The following RBM33 variants were observed in gnomAD, a reference collection of about 807,000 sequenced individuals.
RBM33 encodes the protein RNA binding motif protein 33.
Under a neutral mutation model 132.6 loss-of-function variants are expected in RBM33, and 28 were observed. That is an observed-to-expected ratio of 0.21 (90% CI 0.16 to 0.29). RBM33 has a LOEUF of 0.29. Ranked by LOEUF, RBM33 falls within the 10% of genes least tolerant of loss-of-function variation. The probability of loss-of-function intolerance (pLI) is 1.00; values close to 1 mark genes in which losing one functional copy is unlikely to be tolerated. For synonymous variants in RBM33, 634 were observed against 593.0 expected (o/e 1.07, Z -1.01); for missense variants, 1,291 against 1,518.5 (o/e 0.85, Z 2.49).
intron 5 of RBM33, among the ~76,000 whole-genome samples, chr7:155,700,411 T>C (rs1218361725): frequency 2.0e-5 from 3 of 152,156 alleles, no homozygotes; most frequent in African/African-American, 7.2e-5. Context: ...AATTAATACA[T>C]TGAATTTCAC....
rs557520133 is a variant in RBM33 at position 155,758,458 on chromosome 7, C to T, written c.2980-5354C>T. Reference sequence around the variant, plus strand: ...AGGAGCTGGCAACCTAGATCCCTCGCGTGGGCAGTTCACAGTAGGATTCAT... The same window carrying T: ...AGGAGCTGGCAACCTAGATCCCTCGTGTGGGCAGTTCACAGTAGGATTCAT... On this transcript the variant is annotated intron_variant, in intron 14 of 17. Coordinates refer to ENST00000401878, the MANE Select transcript of RBM33 (RefSeq NM_053043.3). Among the ~76,000 whole-genome samples, 6 of 152,258 alleles carry T rather than the reference C, an allele frequency of 3.9e-5. No individual in the cohort carries two copies. The East Asian group carries it at 7.7e-4, about 20-fold the overall frequency.
chr7:155,700,066 T>C (rs1799913848), intron 5 of RBM33, among the ~76,000 whole-genome samples: 1 of 152,232 alleles, frequency 6.6e-6, no homozygotes, highest in Admixed American at 6.5e-5. Context: ...AAGAAATTAC[T>C]TTTAATTTGG....
In RBM33 at chr7:155,739,848, A is replaced by G; in HGVS notation, c.1871A>G (p.Gln624Arg). The G allele has an allele frequency of 2.2e-6, 1 of 447,414 alleles. No homozygotes were observed. The highest frequency in any genetic ancestry group is 3.0e-6 in the Non-Finnish European group (1 of 336,786). 27.7% of individuals were successfully genotyped at this position (447,414 alleles called of 1,614,324 possible). A position where few individuals can be genotyped will look rare whatever the true frequency, so the allele number is the denominator to read the frequency against. ...QPPPQHQPPP[Q>R]HPPQHPPQHQ... ...CCGCCCCAGCACCAGCCCCCACCCC[A>G]GCACCCACCACAGCACCCGCCGCAG... is the stretch of plus-strand genomic sequence containing the variant. Residue 624 changes from glutamine to arginine, a missense_variant, in exon 12 of 18, where the codon CAG becomes CGG. Physicochemically the swap from Gln to Arg is conservative, Grantham distance 43. This residue lies in a region of RBM33 where 841 missense variants were observed against 912.0 expected (regional missense o/e 0.92). Coordinates refer to ENST00000401878, the MANE Select transcript of RBM33 (RefSeq NM_053043.3).
At chr7:155,742,721 C>G (rs35268718) in intron 13 of RBM33, among the ~76,000 whole-genome samples, 17,225 of 152,188 alleles carry the variant, frequency 0.11, 1,081 homozygotes, top group East Asian at 0.28. Flanking sequence ...TGCTGTTGTT[C>G]CTAATTTTTC....
intron 14 of RBM33, among the ~76,000 whole-genome samples, chr7:155,763,572 A>G (rs948477626): frequency 1.3e-5 from 2 of 152,214 alleles, no homozygotes; most frequent in Non-Finnish European, 2.9e-5. Flanking sequence ...CTCTTATATG[A>G]ATATAGTAAT....
At chr7:155,762,352 G>A (rs1260999098) in intron 14 of RBM33, among the ~76,000 whole-genome samples, 1 of 152,242 alleles carries the variant, frequency 6.6e-6, no homozygotes, top group African/African-American at 2.4e-5. Context: ...GCCTTACTGA[G>A]TTTCGGCTCT....
chr7:155,680,590 T>G lies in RBM33; in HGVS notation c.249T>G (p.Ser83Arg), dbSNP rs1022031529. ...QSDNEDEENF[S>R]SQGVTISLNA... ...TTTTTTTTATTTTCGTCCTCTCTAGTTCTCAGGGTGTTACAATTAGTCTGA... is the reference window on the plus strand; with the variant it reads ...TTTTTTTTATTTTCGTCCTCTCTAGGTCTCAGGGTGTTACAATTAGTCTGA... Residue 83 changes from serine to arginine, a missense_variant and splice_region_variant, in exon 5 of 18, where the codon AGT (serine) becomes AGG (arginine). Physicochemically the swap from Ser to Arg is moderately radical, Grantham distance 110 (BLOSUM62 -1). This residue lies in a region of RBM33 where 194 missense variants were observed against 249.8 expected (regional missense o/e 0.78). Coordinates refer to ENST00000401878, the MANE Select transcript of RBM33 (RefSeq NM_053043.3). The G allele has an allele frequency of 1.3e-6, 2 of 1,584,160 alleles. No homozygotes were observed. Among genetic ancestry groups the G allele is most frequent in the Non-Finnish European group, 1.7e-6 (2 of 1,167,586 alleles).
chr7:155,734,298 T>C (rs1296554708), intron 9 of RBM33, among the ~76,000 whole-genome samples: 10 of 152,302 alleles, frequency 6.6e-5, no homozygotes, highest in Middle Eastern at 6.8e-3. Context: ...ACCTCCTCCC[T>C]CTGTTGAATT....
intron 6 of RBM33, among the ~76,000 whole-genome samples, chr7:155,704,071 C>T (rs1015687719): frequency 4.6e-5 from 7 of 152,192 alleles, no homozygotes; most frequent in African/African-American, 1.7e-4. Flanking sequence ...GAAACGAGTT[C>T]TCTTCCAATC....
intron 9 of RBM33, among the ~76,000 whole-genome samples, chr7:155,721,513 A>G (rs556440032): frequency 6.6e-6 from 1 of 152,008 alleles, no homozygotes; most frequent in Non-Finnish European, 1.5e-5. Context: ...GCAGCTTCAT[A>G]CCCAATTGAC....
rs1244412875 is a variant in RBM33, at chr7:155,739,887, A to G, written c.1910A>G (p.His637Arg). The change falls in exon 12 of 18, where the codon CAC becomes CGC. Residue 637 changes from histidine to arginine, a missense_variant. His to Arg is a conservative substitution (Grantham distance 29). Transcript: ENST00000401878. ...PQHPPQHQHH[H>R]HHHHLSVPPP... ...CACCCGCCGCAGCACCAGCACCACC[A>G]CCACCACCACCACCTGTCCGTCCCG... 6.8e-7 allele frequency: 1 copy of G among 1,471,822 alleles called. No homozygotes were observed. The highest frequency in any genetic ancestry group is 1.6e-5 in the African/African-American group (1 of 63,440). The allele number at this position is 1,471,822 out of a possible 1,614,324, so 91.2% of individuals were successfully genotyped here.
At position 155,683,587 on chromosome 7, in the gene RBM33, A is replaced by G. The variant is rs959288031; in HGVS notation, c.567+2679A>G. 3.3e-5 allele frequency among the ~76,000 whole-genome samples: 5 copies of G among 152,316 alleles called. No individual in the cohort carries two copies. In the East Asian group the frequency reaches 7.7e-4, roughly 24 times the overall value. On this transcript the variant is annotated intron_variant, in intron 5 of 17. Coordinates refer to ENST00000401878, the MANE Select transcript of RBM33 (RefSeq NM_053043.3). ...AGGGTTTGCTGTTCCCTATGAAGAA[A>G]GCGAGGTCCAGAGACATCAATAAAG...
intron 5 of RBM33, among the ~76,000 whole-genome samples, chr7:155,691,020 G>T (rs904725502): frequency 1.3e-5 from 2 of 152,170 alleles, no homozygotes; most frequent in Non-Finnish European, 2.9e-5. Context: ...GGCCTGCCTT[G>T]CTAGATTGGG....
rs187702056 is a variant in RBM33 at position 155,771,398 on chromosome 7, G to A, written c.3376-3161G>A. ...AAACAGGGTTTATTTCTGAAAGAAGGTACAAAAATGTAAGGAGAGAGGGTA... is the reference window on the plus strand; with the variant it reads ...AAACAGGGTTTATTTCTGAAAGAAGATACAAAAATGTAAGGAGAGAGGGTA... On this transcript the variant is annotated intron_variant, in intron 16 of 17. Transcript: ENST00000401878. 1.4e-3 allele frequency among the ~76,000 whole-genome samples: 212 copies of A among 152,284 alleles called. 4 individuals are homozygous for A. Among genetic ancestry groups the A allele is most frequent in the African/African-American group, 4.9e-3 (202 of 41,556 alleles).
At chr7:155,673,513 CGT>C (rs1163667151) in intron 3 of RBM33, among the ~76,000 whole-genome samples, 1 of 132,158 alleles carries the variant, frequency 7.6e-6, no homozygotes. Context: ...TACATACACA[CGT>C]GTATATATAT....
At chr7:155,765,112 T>C (rs566904955) in intron 15 of RBM33, among the ~76,000 whole-genome samples, 13 of 152,318 alleles carry the variant, frequency 8.5e-5, no homozygotes, top group African/African-American at 2.9e-4. Context: ...ACACTTGAGT[T>C]TCTTCAACTT....
In RBM33 at chr7:155,665,544, A is replaced by G. The variant is rs114555135; in HGVS notation, c.122+291A>G. 5.6e-3 allele frequency among the ~76,000 whole-genome samples: 848 copies of G among 152,356 alleles called. 12 individuals carry two copies. Among genetic ancestry groups the G allele is most frequent in the African/African-American group, 0.019 (802 of 41,584 alleles). Reference sequence around the variant, plus strand: ...GACTTTGTGGACACCCAGAACCATTACTGGAGTGGCCTTGTGCCAGAGTTC... The same window carrying G: ...GACTTTGTGGACACCCAGAACCATTGCTGGAGTGGCCTTGTGCCAGAGTTC... On this transcript the variant is annotated intron_variant, in intron 2 of 17. Coordinates refer to ENST00000401878, the MANE Select transcript of RBM33 (RefSeq NM_053043.3).
Position 155,738,137 on chromosome 7 carries a change from C to T in RBM33, c.1471C>T (p.Leu491Phe). 1 of 1,614,006 alleles carries T rather than the reference C, an allele frequency of 6.2e-7. No homozygotes were observed. Among genetic ancestry groups the T allele is most frequent in the Non-Finnish European group, 8.5e-7 (1 of 1,179,890 alleles). Residue 491 changes from leucine to phenylalanine, a missense_variant, in exon 11 of 18, where the codon CTT (leucine) becomes TTT (phenylalanine). By Grantham distance (22) the Leu-to-Phe change is conservative. Transcript: ENST00000401878. ...SPPPPPPPPT[L>F]LNSSHPVPTQ... is the part of the protein sequence containing the mutation. ...CCCTCCACCACCACCGCCTCCTACC[C>T]TTCTTAACAGTAGCCATCCTGTTCC...
rs1200675221 is a variant in RBM33 at position 155,644,790 on chromosome 7, C to G, written c.-87C>G. The G allele has an allele frequency of 7.6e-6, 9 of 1,179,848 alleles. No homozygotes were observed. The highest frequency in any genetic ancestry group is 1.0e-5 in the Non-Finnish European group (9 of 883,416). 73.1% of individuals were successfully genotyped at this position (1,179,848 alleles called of 1,614,324 possible). ...GCAGCCCCCTCCCTTCTCTGTCCTC[C>G]GTCACCCGTACCCGGGCCCGGACCA... On this transcript the variant is annotated 5_prime_UTR_variant, in exon 1 of 18. Coordinates refer to ENST00000401878, the MANE Select transcript of RBM33 (RefSeq NM_053043.3).
Sources: gnomAD v4.1 joint callset for allele counts (sites outside exome capture counted in the v4.1 genomes callset) on GRCh38, gnomAD v4.1.1 for gene constraint, gnomAD v4.1.1 regional missense constraint, MANE v1.5 for transcripts, NCBI Gene and HGNC (gene_info 2026-07-23, HGNC 2026-07-21) for gene names.